The following PHB1 variants were observed in gnomAD, a reference collection of about 807,000 sequenced individuals.
PHB1 encodes the protein epididymis luminal protein 215.
chr17:49,405,710 G>GCAT, the PHB1 span, among the ~76,000 whole-genome samples: 15 of 152,284 alleles, frequency 9.9e-5, no homozygotes, highest in African/African-American at 3.6e-4. Flanking sequence ...AGGAGGCCAA[G>GCAT]GCTGCAGTGA....
the PHB1 span, chr17:49,411,868 A>G: frequency 2.0e-5 from 32 of 1,605,134 alleles, no homozygotes; most frequent in South Asian, 3.2e-4. Flanking sequence ...GACATGTCAT[A>G]AAAATCCTCT....
At chr17:49,404,990 C>T in the PHB1 span, 1 of 1,550,786 alleles carries the variant, frequency 6.4e-7, no homozygotes, top group Non-Finnish European at 8.7e-7. Flanking sequence ...CAGGGTGGGC[C>T]CTCACTGGGG....
the PHB1 span, chr17:49,411,960 G>A: frequency 8.1e-6 from 7 of 865,722 alleles, no homozygotes; most frequent in Non-Finnish European, 1.2e-5. Flanking sequence ...TCTTCTCTCT[G>A]TCTTCCCCAA....
the PHB1 span, chr17:49,409,208 A>G: frequency 6.3e-7 from 1 of 1,578,382 alleles, no homozygotes; most frequent in Non-Finnish European, 8.7e-7. Context: ...ATGAGGAAGC[A>G]GAAAAGGAAC....
the PHB1 span, chr17:49,405,103 G>T: frequency 2.5e-6 from 4 of 1,613,236 alleles, no homozygotes; most frequent in Non-Finnish European, 3.4e-6. Context: ...TGCGCAGCTC[G>T]ATCAGGCCAT....
At chr17:49,405,232 T>C in the PHB1 span, 1 of 1,593,590 alleles carries the variant, frequency 6.3e-7, no homozygotes, top group Non-Finnish European at 8.6e-7. Context: ...GAGACAAAGA[T>C]CAAACCTCAG....
chr17:49,406,075 A>G, the PHB1 span, among the ~76,000 whole-genome samples: 1 of 152,242 alleles, frequency 6.6e-6, no homozygotes, highest in Admixed American at 6.5e-5. Context: ...TATACCTACT[A>G]TCACCAGGCA....
chr17:49,406,930 C>CGGCCA, the PHB1 span: 5 of 1,045,916 alleles, frequency 4.8e-6, no homozygotes, highest in Non-Finnish European at 7.4e-6. Context: ...TCCATGGCCG[C>CGGCCA]TGGAAGAAGA....
chr17:49,406,870 G>C, the PHB1 span: 1 of 1,579,036 alleles, frequency 6.3e-7, no homozygotes, highest in Non-Finnish European at 8.7e-7. Flanking sequence ...GGGAGAGAGT[G>C]AGCACAAGAT....
chr17:49,405,142 C>T, the PHB1 span: 1 of 1,614,056 alleles, frequency 6.2e-7, no homozygotes, highest in Admixed American at 1.7e-5. Flanking sequence ...AGTTGGCAAT[C>T]AGCTCAGCTG....
chr17:49,413,045 C>T, the PHB1 span: 3 of 660,786 alleles, frequency 4.5e-6, no homozygotes, highest in Admixed American at 4.5e-5. Flanking sequence ...TATGAAATGG[C>T]AGGAGGTGAG....
At chr17:49,405,551 G>T in the PHB1 span, among the ~76,000 whole-genome samples, 1 of 152,214 alleles carries the variant, frequency 6.6e-6, no homozygotes, top group African/African-American at 2.4e-5. Flanking sequence ...AGAAGCAAAA[G>T]AAAGGTGGAA....
chr17:49,409,104 C>T, the PHB1 span: 1 of 1,613,924 alleles, frequency 6.2e-7, no homozygotes, highest in South Asian at 1.1e-5. Flanking sequence ...TCGTCGCTCA[C>T]CTGCCTGGAG....
At chr17:49,404,660 A>ACATACTGCC in the PHB1 span, 2 of 387,208 alleles carry the variant, frequency 5.2e-6, no homozygotes, top group Non-Finnish European at 9.9e-6. Flanking sequence ...CCAGTCCATC[A>ACATACTGCC]CATACTGCCC....
At chr17:49,413,025 A>G in the PHB1 span, 1 of 611,574 alleles carries the variant, frequency 1.6e-6, no homozygotes, top group Non-Finnish European at 2.9e-6. Context: ...ATAACAATGC[A>G]GTCCTGTGGT....
chr17:49,411,743 T>G, the PHB1 span: 1 of 1,614,174 alleles, frequency 6.2e-7, no homozygotes. Flanking sequence ...AATTGGTTTC[T>G]GTACCCACGG....
At chr17:49,413,193 G>A in the PHB1 span, 2 of 1,612,510 alleles carry the variant, frequency 1.2e-6, no homozygotes, top group African/African-American at 2.7e-5. Context: ...ATAAGGCAGA[G>A]TTCACCACGC....
At chr17:49,406,713 G>A in the PHB1 span, 51 of 1,349,228 alleles carry the variant, frequency 3.8e-5, no homozygotes, top group African/African-American at 1.3e-4. Flanking sequence ...GCTGAGTGCC[G>A]GAGAAAGGGG....
chr17:49,411,487 C>T, the PHB1 span, among the ~76,000 whole-genome samples: 12 of 152,140 alleles, frequency 7.9e-5, no homozygotes, highest in African/African-American at 2.7e-4. Context: ...CATGAACCAC[C>T]GCACCCAGCC....
Sources: allele counts gnomAD v4.1 joint callset (sites outside exome capture counted in the v4.1 genomes callset), GRCh38; gene constraint gnomAD v4.1.1; transcripts MANE v1.5; gene names NCBI Gene and HGNC (gene_info 2026-07-23, HGNC 2026-07-21).